SP4: variants seen among roughly 807,000 people sequenced by gnomAD.
SP4 encodes Sp4 transcription factor, also known as transcription factor Sp4.
In SP4, 19 loss-of-function variants were observed where a neutral mutation model predicts 72.8. The observed-to-expected ratio is 0.26, with a 90% CI of 0.18 to 0.38. The LOEUF is 0.38. Among genes scored for constraint, SP4 ranks in the 10% least tolerant of loss-of-function variants. The pLI, the probability that SP4 is intolerant of heterozygous loss-of-function variation, is 1.00. For synonymous variants in SP4, 395 were observed against 333.1 expected (o/e 1.19, Z -2.02); for missense variants, 1,008 against 926.3 (o/e 1.09, Z -1.14).
At chr7:21,464,533 A>G (rs1324358506) in intron 3 of SP4, among the ~76,000 whole-genome samples, 1 of 151,216 alleles carries the variant, frequency 6.6e-6, no homozygotes, top group Non-Finnish European at 1.5e-5. Context: ...GAGATCTGAT[A>G]CACCCCTGCT....
At position 21,509,060 on chromosome 7, in the gene SP4, TGTACCTCA is replaced by T. The variant is rs1782079757; in HGVS notation, c.2108-1959_2108-1952del. Among the ~76,000 whole-genome samples the T allele has an allele frequency of 2.6e-5, 4 of 152,164 alleles. No individual in the cohort carries two copies. The South Asian group carries it at 8.3e-4, about 31-fold the overall frequency. On this transcript the variant is annotated intron_variant, in intron 5 of 5. Coordinates refer to ENST00000222584, the MANE Select transcript of SP4 (RefSeq NM_003112.5). ...ATTTCAATTTTTTTCTTCCAGTGAT[TGTACCTCA>T]GTTCATTTTACTGTCTTATATGTTG...
chr7:21,439,160 T>G (rs535641653), intron 3 of SP4, among the ~76,000 whole-genome samples: 15 of 152,336 alleles, frequency 9.8e-5, no homozygotes, highest in Admixed American at 6.5e-4. Flanking sequence ...GTGTTTCTGA[T>G]ACTGTCACTT....
In SP4 at chr7:21,513,418, T is replaced by C. The variant is rs1782196694; in HGVS notation, c.*2149T>C. The C allele has an allele frequency of 6.5e-6, 1 of 152,674 alleles. No individual in the cohort carries two copies. The allele number at this position is 152,674 out of a possible 1,614,324, so 9.5% of individuals were successfully genotyped here. ...ATTGTTTTGTATATTTTATTTAATG[T>C]ACTCTTAACAACTGATGTATCTGGC... On this transcript the variant is annotated 3_prime_UTR_variant, in exon 6 of 6. Transcript: ENST00000222584.
chr7:21,474,891 T>C (rs1201867545), intron 3 of SP4, among the ~76,000 whole-genome samples: 1 of 152,228 alleles, frequency 6.6e-6, no homozygotes, highest in Admixed American at 6.5e-5. Context: ...TTAATGTGCA[T>C]GTTAGTTATG....
chr7:21,463,811 GATC>G (rs1240444274), intron 3 of SP4, among the ~76,000 whole-genome samples: 1 of 152,072 alleles, frequency 6.6e-6, no homozygotes, highest in African/African-American at 2.4e-5. Context: ...CTGTTAATGG[GATC>G]ATCATCACTC....
chr7:21,465,190 A>G (rs570756228), intron 3 of SP4, among the ~76,000 whole-genome samples: 27 of 152,302 alleles, frequency 1.8e-4, no homozygotes, highest in African/African-American at 6.5e-4. Context: ...TTGTTTTCCT[A>G]AGCTTTTCTC....
chr7:21,493,119 G>T (rs1055357730), intron 5 of SP4, among the ~76,000 whole-genome samples: 30 of 151,674 alleles, frequency 2.0e-4, no homozygotes, highest in African/African-American at 6.8e-4. Context: ...AGAATTTCTG[G>T]AACCCTGGAG....
chr7:21,470,925 TAAAA>T (rs1212134631), intron 3 of SP4: 1 of 400,292 alleles, frequency 2.5e-6, no homozygotes, highest in East Asian at 6.1e-5. Context: ...TTTGAGTTAT[TAAAA>T]AAATTATTTT....
At chr7:21,507,881 C>T (rs184438067) in intron 5 of SP4, among the ~76,000 whole-genome samples, 3 of 152,200 alleles carry the variant, frequency 2.0e-5, no homozygotes, top group African/African-American at 4.8e-5. Flanking sequence ...TGTCCATTCT[C>T]CTCACGGGAG....
intron 5 of SP4, among the ~76,000 whole-genome samples, chr7:21,509,392 A>C (rs766898505): frequency 3.3e-5 from 5 of 151,762 alleles, no homozygotes; most frequent in Non-Finnish European, 5.9e-5. Flanking sequence ...AGATTTGTCT[A>C]TTCTCTCTTT....
At chr7:21,434,817 AT>A (rs35111163) in intron 3 of SP4, among the ~76,000 whole-genome samples, 17,402 of 138,928 alleles carry the variant, frequency 0.13, 2,057 homozygotes, top group East Asian at 0.59. Flanking sequence ...ATGTGTAATC[AT>A]TTTTTTTTTT....
intron 3 of SP4, among the ~76,000 whole-genome samples, chr7:21,436,030 C>T (rs1037559728): frequency 6.6e-6 from 1 of 152,142 alleles, no homozygotes; most frequent in Non-Finnish European, 1.5e-5. Flanking sequence ...CCCCAAGTAG[C>T]AGGGACTACA....
chr7:21,483,995 T>C (rs1299154749), intron 5 of SP4, among the ~76,000 whole-genome samples: 2 of 151,914 alleles, frequency 1.3e-5, no homozygotes, highest in African/African-American at 4.8e-5. Flanking sequence ...TAGTCAGATA[T>C]TTTGAATATA....
At chr7:21,497,382 C>G (rs1781739986) in intron 5 of SP4, among the ~76,000 whole-genome samples, 1 of 152,210 alleles carries the variant, frequency 6.6e-6, no homozygotes, top group Non-Finnish European at 1.5e-5. Context: ...AGTTAAAATA[C>G]TACAAAGCTT....
Position 21,502,961 on chromosome 7 carries a change from T to A in SP4, c.2108-8061T>A, listed in dbSNP as rs185440118. Among the ~76,000 whole-genome samples the A allele has an allele frequency of 3.2e-3, 487 of 152,288 alleles. 3 individuals carry two copies. Among genetic ancestry groups the A allele is most frequent in the Middle Eastern group, 6.8e-3 (2 of 294 alleles). ...GGTTCCTTAGGTGACCCATGCACTT[T>A]CCACTGGTCTTTTCCCCTCCTTTCC... On this transcript the variant is annotated intron_variant, in intron 5 of 5. Coordinates refer to ENST00000222584, the MANE Select transcript of SP4 (RefSeq NM_003112.5).
intron 3 of SP4, among the ~76,000 whole-genome samples, chr7:21,471,593 G>A (rs1361232086): frequency 6.6e-6 from 1 of 152,142 alleles, no homozygotes; most frequent in Admixed American, 6.5e-5. Flanking sequence ...CAGCTACTTG[G>A]GAGGCTGAGG....
Position 21,477,181 on chromosome 7 carries a change from G to C in SP4, c.1781G>C (p.Ser594Thr), listed in dbSNP as rs891215422. 1.2e-6 allele frequency: 2 copies of C among 1,614,168 alleles called. No individual in the cohort carries two copies. Among genetic ancestry groups the C allele is most frequent in the Non-Finnish European group, 1.7e-6 (2 of 1,180,002 alleles). The change falls in exon 4 of 6, where the codon AGT becomes ACT. Residue 594 changes from serine to threonine, a missense_variant. Around this residue, in one of 3 missense-constraint regions of SP4, gnomAD observed 893 missense variants for 743.3 expected, o/e 1.20. Transcript: ENST00000222584. ...GIANATIGAV[S>T]PDQLTQVHLQ... ...GCTAATGCCACGATAGGTGCTGTTA[G>C]TCCTGACCAACTCACACAAGTGCAT...
Position 21,511,508 on chromosome 7 carries a change from T to G in SP4, c.*239T>G. ...CTCCATACTATAAGTTGTAGTTGTTTGGAAATATATCACATAACCTTTATA... is the reference window on the plus strand; with the variant it reads ...CTCCATACTATAAGTTGTAGTTGTTGGGAAATATATCACATAACCTTTATA... On this transcript the variant is annotated 3_prime_UTR_variant, in exon 6 of 6. Transcript: ENST00000222584. The G allele has an allele frequency of 2.2e-6, 1 of 460,530 alleles. No individual in the cohort carries two copies. The highest frequency in any genetic ancestry group is 3.8e-5 in the Admixed American group (1 of 26,462). The allele number at this position is 460,530 out of a possible 1,614,324, so 28.5% of individuals were successfully genotyped here.
At chr7:21,430,868 A>C in intron 3 of SP4, 25 bp downstream of exon 3, 7 of 1,504,542 alleles carry the variant, frequency 4.7e-6, no homozygotes, top group Non-Finnish European at 6.4e-6. Flanking sequence ...CTTTTTAAGT[A>C]CCTTTTAAAT....
Sources: allele counts gnomAD v4.1 joint callset (sites outside exome capture counted in the v4.1 genomes callset), GRCh38; gene constraint gnomAD v4.1.1; regional missense constraint gnomAD v4.1.1; transcripts MANE v1.5; gene names NCBI Gene and HGNC (gene_info 2026-07-23, HGNC 2026-07-21).